CTNNA3: variants seen among roughly 807,000 people sequenced by gnomAD.
CTNNA3 encodes catenin alpha-3.
CTNNA3 carries 76 observed loss-of-function variants against 95.7 expected under a neutral mutation model. The ratio of observed to expected loss-of-function variants is 0.79; its 90% CI spans 0.66 to 0.96. CTNNA3 has a LOEUF of 0.96. CTNNA3 is among the 40% of genes least tolerant of loss of function. CTNNA3 has a pLI of 0.00. For synonymous variants in CTNNA3, 431 were observed against 374.4 expected, an observed-to-expected ratio of 1.15 and a Z score of -1.74; for missense variants, 1,191 against 1,089.8, an observed-to-expected ratio of 1.09 and a Z score of -1.31.
intron 15 of CTNNA3, among the ~76,000 whole-genome samples, chr10:66,037,161 C>T (rs188194139): frequency 2.6e-5 from 4 of 152,054 alleles, no homozygotes; most frequent in South Asian, 2.1e-4. Flanking sequence ...CATGAGCCAC[C>T]GTGCCTGGCC....
At chr10:67,650,151 T>G (rs1839836187) in intron 1 of CTNNA3, among the ~76,000 whole-genome samples, 1 of 152,218 alleles carries the variant, frequency 6.6e-6, no homozygotes, top group African/African-American at 2.4e-5. Flanking sequence ...ATTTGCATTT[T>G]GTAATCTATA....
chr10:67,225,176 A>T (rs1864843463), intron 5 of CTNNA3, among the ~76,000 whole-genome samples: 1 of 152,046 alleles, frequency 6.6e-6, no homozygotes, highest in Non-Finnish European at 1.5e-5. Flanking sequence ...AACTCCATTG[A>T]CCTGGGAATC....
At chr10:65,952,665 T>A (rs950597016) in intron 17 of CTNNA3, among the ~76,000 whole-genome samples, 17 of 152,242 alleles carry the variant, frequency 1.1e-4, no homozygotes, top group African/African-American at 4.1e-4. Context: ...CCTACTGTCA[T>A]TCTGTAAGTA....
chr10:66,238,472 T>A (rs2089963730), intron 13 of CTNNA3, among the ~76,000 whole-genome samples: 1 of 152,036 alleles, frequency 6.6e-6, no homozygotes, highest in Non-Finnish European at 1.5e-5. Context: ...AAATTTCTTG[T>A]CTTACCAGAT....
intron 1 of CTNNA3, among the ~76,000 whole-genome samples, chr10:67,675,739 G>A (rs1840523100): frequency 1.3e-5 from 2 of 152,136 alleles, no homozygotes. Context: ...GATGGATATA[G>A]GGAGCAAGAG....
At chr10:66,193,337 ATAAGAC>A (rs2086782910) in intron 13 of CTNNA3, among the ~76,000 whole-genome samples, 1 of 152,176 alleles carries the variant, frequency 6.6e-6, no homozygotes, top group Non-Finnish European at 1.5e-5. Flanking sequence ...GACAAAAACC[ATAAGAC>A]TGTGGTGTTG....
intron 14 of CTNNA3, chr10:66,084,734 G>A (rs1219633541): frequency 1.3e-5 from 2 of 152,080 alleles, no homozygotes; most frequent in Non-Finnish European, 2.9e-5. Flanking sequence ...TTTCCCCAGA[G>A]GTGGGACACA....
At chr10:66,675,450 A>G (rs897159166) in intron 9 of CTNNA3, among the ~76,000 whole-genome samples, 61 of 152,160 alleles carry the variant, frequency 4.0e-4, no homozygotes, top group African/African-American at 1.4e-3. Context: ...AAAATAACCA[A>G]AATATTCATT....
intron 7 of CTNNA3, among the ~76,000 whole-genome samples, chr10:66,879,066 A>G (rs1254472422): frequency 6.6e-6 from 1 of 152,116 alleles, no homozygotes; most frequent in Non-Finnish European, 1.5e-5. Flanking sequence ...TTACCATTTT[A>G]CAGAAACACA....
intron 13 of CTNNA3, among the ~76,000 whole-genome samples, chr10:66,277,498 G>C (rs925515988): frequency 2.0e-5 from 3 of 152,016 alleles, no homozygotes; most frequent in Non-Finnish European, 4.4e-5. Flanking sequence ...GTAAAAAGAA[G>C]ATTATACCAG....
rs374647469 is a variant in CTNNA3, at chr10:66,823,077, G to A, written c.1048-47553C>T. Among the ~76,000 whole-genome samples, 4 of 152,290 alleles carry A rather than the reference G, an allele frequency of 2.6e-5. No homozygotes were observed. In the East Asian group the frequency reaches 7.7e-4, roughly 29 times the overall value. On this transcript the variant is annotated intron_variant, in intron 7 of 17. Transcript: ENST00000433211. ...CTGGCAGGGGGCCTGCAACAATTCT[G>A]GTAGTAGCACAGTCCCAGACCAGTC... is the stretch of plus-strand genomic sequence containing the variant.
intron 11 of CTNNA3, among the ~76,000 whole-genome samples, chr10:66,427,790 G>A (rs1427560473): frequency 6.6e-6 from 1 of 152,104 alleles, no homozygotes; most frequent in Non-Finnish European, 1.5e-5. Flanking sequence ...ACCAGCCACT[G>A]CAAAAACACT....
At chr10:67,460,197 G>T (rs1247140347) in intron 5 of CTNNA3, among the ~76,000 whole-genome samples, 3 of 152,028 alleles carry the variant, frequency 2.0e-5, no homozygotes, top group Non-Finnish European at 4.4e-5. Flanking sequence ...CTTTCCTATG[G>T]CTTTGTTTTC....
chr10:67,706,241 C>T (rs1483359138), intron 1 of CTNNA3, among the ~76,000 whole-genome samples: 1 of 151,684 alleles, frequency 6.6e-6, no homozygotes, highest in Non-Finnish European at 1.5e-5. Flanking sequence ...TCTCTCAAAA[C>T]AGTTTCCTGG....
intron 16 of CTNNA3, among the ~76,000 whole-genome samples, chr10:65,978,495 TAAC>T (rs778982509): frequency 1.1e-4 from 16 of 146,966 alleles, no homozygotes; most frequent in East Asian, 2.0e-4. Context: ...TTTTTTTTTT[TAAC>T]TTTCATTCTC....
intron 12 of CTNNA3, among the ~76,000 whole-genome samples, chr10:66,327,107 C>T (rs2092263511): frequency 6.6e-6 from 1 of 152,070 alleles, no homozygotes; most frequent in Admixed American, 6.6e-5. Flanking sequence ...TCAGCCACCT[C>T]TTGACTCCTG....
In CTNNA3 at chr10:66,721,475, A is replaced by C. The variant is rs565283223; in HGVS notation, c.1281+44789T>G. On this transcript the variant is annotated intron_variant, in intron 9 of 17. Coordinates refer to ENST00000433211, the MANE Select transcript of CTNNA3 (RefSeq NM_013266.4). ...AGGAGTATAGCCTCAACATCATTTT[A>C]CTAATGGGCATAAATAATTCTAAAA... Among the ~76,000 whole-genome samples, 130 of 152,334 alleles carry C rather than the reference A, an allele frequency of 8.5e-4. 5 individuals are homozygous for C. In the South Asian group the frequency reaches 0.026, roughly 30 times the overall value.
chr10:67,456,988 T>C (rs1326167626), intron 5 of CTNNA3, among the ~76,000 whole-genome samples: 4 of 152,100 alleles, frequency 2.6e-5, no homozygotes. Context: ...CCTCATGTTT[T>C]CTAAAGAAAA....
chr10:67,036,826 G>A (rs1854092145), intron 7 of CTNNA3, among the ~76,000 whole-genome samples: 1 of 151,934 alleles, frequency 6.6e-6, no homozygotes, highest in East Asian at 1.9e-4. Flanking sequence ...CTAACTCTGG[G>A]AAATGAATAT....
Sources: gnomAD v4.1 joint callset for allele counts (sites outside exome capture counted in the v4.1 genomes callset) on GRCh38, gnomAD v4.1.1 for gene constraint, MANE v1.5 for transcripts, NCBI Gene and HGNC (gene_info 2026-07-23, HGNC 2026-07-21) for gene names.